Variants in FMNL2 observed in about 807,000 individuals in gnomAD.
FMNL2 encodes formin-like protein 2.
A neutral mutation model predicts 130.2 loss-of-function variants in FMNL2; 51 were observed. That is an observed-to-expected ratio of 0.39 (90% confidence interval 0.31 to 0.49). The LOEUF (loss-of-function observed/expected upper bound fraction) is 0.49, where lower values mean the gene tolerates loss of function less well. Among genes scored for constraint, FMNL2 ranks in the 20% least tolerant of loss-of-function variants. FMNL2 has a pLI of 0.85. For synonymous variants in FMNL2, 465 were observed against 467.1 expected, an observed-to-expected ratio of 1.00 and a Z score of 0.06; for missense variants, 977 against 1,316.2, an observed-to-expected ratio of 0.74 and a Z score of 3.99.
intron 20 of FMNL2, among the ~76,000 whole-genome samples, chr2:152,630,920 T>C (rs1457170763): frequency 6.6e-6 from 1 of 152,150 alleles, no homozygotes; most frequent in Non-Finnish European, 1.5e-5. Context: ...GGAGAGTTCA[T>C]GTAATCAGTG....
intron 9 of FMNL2, among the ~76,000 whole-genome samples, chr2:152,582,200 C>T (rs1263617515): frequency 6.6e-6 from 1 of 152,140 alleles, no homozygotes; most frequent in Non-Finnish European, 1.5e-5. Flanking sequence ...AAGTTGTGGC[C>T]TTATTGTTTG....
intron 3 of FMNL2, among the ~76,000 whole-genome samples, chr2:152,547,652 C>T (rs981252785): frequency 9.9e-5 from 15 of 152,132 alleles, no homozygotes; most frequent in African/African-American, 3.1e-4. Context: ...CAGGTGTGGG[C>T]GTAGCTCTTG....
chr2:152,531,563 C>T (rs935184072), intron 2 of FMNL2, among the ~76,000 whole-genome samples: 1 of 152,076 alleles, frequency 6.6e-6, no homozygotes. Context: ...CAACCTCCCC[C>T]TCCCAGGTTC....
chr2:152,585,125 A>C (rs28563161), intron 9 of FMNL2, among the ~76,000 whole-genome samples: 24,724 of 152,268 alleles, frequency 0.16, 2,348 homozygotes, highest in Non-Finnish European at 0.22. Context: ...AGACTAAATC[A>C]TTAACAGTCA....
At chr2:152,452,841 G>A (rs1173594008) in intron 1 of FMNL2, among the ~76,000 whole-genome samples, 2 of 148,624 alleles carry the variant, frequency 1.3e-5, no homozygotes, top group Non-Finnish European at 3.0e-5. Flanking sequence ...AGCAGTGTTT[G>A]GATCTCCAGC....
chr2:152,348,743 A>G (rs1253940749), intron 1 of FMNL2, among the ~76,000 whole-genome samples: 2 of 149,526 alleles, frequency 1.3e-5, no homozygotes, highest in Non-Finnish European at 3.0e-5. Context: ...TTAAATGGGC[A>G]GCGTTCTTTG....
intron 1 of FMNL2, among the ~76,000 whole-genome samples, chr2:152,490,893 C>CA (rs1691147237): frequency 6.6e-6 from 1 of 151,934 alleles, no homozygotes; most frequent in Middle Eastern, 3.2e-3. Context: ...CTGGTTGTGT[C>CA]AAAAAACGGG....
chr2:152,479,496 A>AC (rs1298659755), intron 1 of FMNL2, among the ~76,000 whole-genome samples: 9 of 152,120 alleles, frequency 5.9e-5, no homozygotes. Context: ...TTACTTCATC[A>AC]CCAGAACCAC....
At chr2:152,529,571 T>C (rs1165427779) in intron 2 of FMNL2, among the ~76,000 whole-genome samples, 3 of 152,206 alleles carry the variant, frequency 2.0e-5, no homozygotes, top group Non-Finnish European at 2.9e-5. Flanking sequence ...GATTCTTTGA[T>C]TCTGAAACAC....
At chr2:152,367,971 G>A (rs1046940072) in intron 1 of FMNL2, among the ~76,000 whole-genome samples, 2 of 152,104 alleles carry the variant, frequency 1.3e-5, no homozygotes, top group African/African-American at 2.4e-5. Flanking sequence ...TTCTTGGTTC[G>A]TGTTCTTGAC....
chr2:152,491,316 A>G (rs1691174927), intron 1 of FMNL2, among the ~76,000 whole-genome samples: 2 of 152,294 alleles, frequency 1.3e-5, no homozygotes, highest in African/African-American at 4.8e-5. Flanking sequence ...TCAGGGGGCC[A>G]GGCAGGGGTC....
chr2:152,359,180 A>G (rs1683014265), intron 1 of FMNL2, among the ~76,000 whole-genome samples: 1 of 152,222 alleles, frequency 6.6e-6, no homozygotes. Flanking sequence ...TGAGATGAAT[A>G]TAGATTCGGA....
intron 1 of FMNL2, chr2:152,390,652 C>T (rs1013589029): frequency 3.7e-5 from 31 of 828,238 alleles, no homozygotes; most frequent in Non-Finnish European, 5.8e-5. Flanking sequence ...CTTTTTCCTC[C>T]CTGAACTCTT....
intron 9 of FMNL2, among the ~76,000 whole-genome samples, chr2:152,587,246 C>T (rs1697134603): frequency 6.6e-6 from 1 of 152,170 alleles, no homozygotes; most frequent in Admixed American, 6.5e-5. Context: ...GCCATGTTAT[C>T]TGGGTTCCCA....
intron 2 of FMNL2, among the ~76,000 whole-genome samples, chr2:152,523,883 GA>G (rs1248321593): frequency 6.6e-6 from 1 of 152,168 alleles, no homozygotes; most frequent in Non-Finnish European, 1.5e-5. Flanking sequence ...CGTGCTTATT[GA>G]AAACATGTTG....
At chr2:152,611,864 G>A (rs1326069435) in intron 11 of FMNL2, among the ~76,000 whole-genome samples, 1 of 152,200 alleles carries the variant, frequency 6.6e-6, no homozygotes, top group East Asian at 1.9e-4. Flanking sequence ...CAGCCTTGCT[G>A]CAGCTTTCCT....
intron 9 of FMNL2, among the ~76,000 whole-genome samples, chr2:152,588,443 GATCATACCTTTGCAGATATC>G (rs1362403516): frequency 4.9e-4 from 74 of 152,152 alleles, no homozygotes; most frequent in Admixed American, 3.1e-3. Context: ...CCCTTAATTT[GATCATACCTTTGCAGATATC>G]ATCATACCTT....
intron 1 of FMNL2, among the ~76,000 whole-genome samples, chr2:152,366,763 C>T (rs1042752078): frequency 6.6e-6 from 1 of 152,096 alleles, no homozygotes; most frequent in Non-Finnish European, 1.5e-5. Context: ...CCCAGGAGTA[C>T]AAGACCAGCC....
rs765014012 is a variant in FMNL2 at position 152,549,014 on chromosome 2, A to G, written c.283-7A>G. ...ATTTTGTGAGAATATGTGTTCTTGA[A>G]TTATAGAAATTCAGACGGCGTGTTC... On this transcript the variant is annotated splice_polypyrimidine_tract_variant and splice_region_variant and intron_variant, in intron 3 of 25. Coordinates refer to ENST00000288670, the MANE Select transcript of FMNL2 (RefSeq NM_052905.4). 4.4e-6 allele frequency: 7 copies of G among 1,599,020 alleles called. No individual in the cohort carries two copies. In the South Asian group the frequency reaches 8.1e-5, roughly 18 times the overall value.
Sources: gnomAD v4.1 joint callset for allele counts (sites outside exome capture counted in the v4.1 genomes callset) on GRCh38, gnomAD v4.1.1 for gene constraint, MANE v1.5 for transcripts, NCBI Gene and HGNC (gene_info 2026-07-23, HGNC 2026-07-21) for gene names.